SH3BP4: variants seen among roughly 807,000 people sequenced by gnomAD.
The protein encoded by SH3BP4 is SH3 domain-binding protein 4.
A neutral mutation model predicts 65.5 loss-of-function variants in SH3BP4; 33 were observed. That is an observed-to-expected ratio of 0.50 (90% CI 0.38 to 0.67). The LOEUF (loss-of-function observed/expected upper bound fraction) is 0.67, where lower values mean the gene tolerates loss of function less well. SH3BP4 is among the 30% of genes least tolerant of loss of function. The pLI, the probability that SH3BP4 is intolerant of heterozygous loss-of-function variation, is 0.00. For missense variants in SH3BP4, 1,134 were observed against 1,261.4 expected, an observed-to-expected ratio of 0.90 and a Z score of 1.53; for synonymous variants, 552 against 545.5, an observed-to-expected ratio of 1.01 and a Z score of -0.17.
intron 1 of SH3BP4, among the ~76,000 whole-genome samples, chr2:234,956,596 C>T (rs1201327338): frequency 2.6e-5 from 4 of 151,152 alleles, no homozygotes; most frequent in Non-Finnish European, 5.9e-5. Flanking sequence ...CTCTGTTGCC[C>T]AGGCTGGAGT....
At chr2:235,029,692 C>T (rs1574833689) in intron 2 of SH3BP4, among the ~76,000 whole-genome samples, 2 of 152,212 alleles carry the variant, frequency 1.3e-5, no homozygotes, top group East Asian at 1.9e-4. Flanking sequence ...AATGAACCTT[C>T]GGGAGCTCAT....
intron 1 of SH3BP4, among the ~76,000 whole-genome samples, chr2:234,984,326 T>C (rs111676592): frequency 0.17 from 26,407 of 151,966 alleles, 2,596 homozygotes; most frequent in Non-Finnish European, 0.22. Context: ...CCCAGCCTCC[T>C]GAGTAGCTGG....
intron 2 of SH3BP4, among the ~76,000 whole-genome samples, chr2:235,013,267 T>C (rs1694575974): frequency 6.6e-6 from 1 of 152,174 alleles, no homozygotes; most frequent in African/African-American, 2.4e-5. Flanking sequence ...CTGCCAGCCC[T>C]TCCTCCCTTC....
Position 234,958,620 on chromosome 2 carries a change from C to T in SH3BP4, c.-207+6450C>T, listed in dbSNP as rs117186501. ...AAGGGGCAGGAAGGCTAAGGGGGAG[C>T]CAGTGGAGGAGCAGCTGGGATGGGA... On this transcript the variant is annotated intron_variant, in intron 1 of 5. Coordinates refer to ENST00000392011, the MANE Select transcript of SH3BP4 (RefSeq NM_014521.3). Among the ~76,000 whole-genome samples the T allele has an allele frequency of 5.3e-5, 8 of 151,806 alleles. No homozygotes were observed. The East Asian group carries it at 1.6e-3, about 30-fold the overall frequency.
At chr2:235,050,443 C>T (rs1559261577) in intron 4 of SH3BP4, among the ~76,000 whole-genome samples, 1 of 152,034 alleles carries the variant, frequency 6.6e-6, no homozygotes, top group Non-Finnish European at 1.5e-5. Context: ...GTAGCTTCTA[C>T]AAAAACAAAC....
In SH3BP4 at chr2:235,053,626, C is replaced by T. The variant is rs1696132727; in HGVS notation, c.2702C>T (p.Thr901Ile). ...AAGCCTGCGTATGACTTCTTACTCA[C>T]CTGGAGCCATCAGATCGGGGACAGC... ...MWKPAYDFLL[T>I]WSHQIGDSYR... The change falls in exon 6 of 6, where the codon ACC (threonine) becomes ATC (isoleucine). Residue 901 changes from threonine (T) to isoleucine (I), a missense_variant. Thr to Ile is a moderately conservative substitution (Grantham distance 89, BLOSUM62 -1). Transcript: ENST00000392011. 3.1e-6 allele frequency: 5 copies of T among 1,614,052 alleles called. No individual in the cohort carries two copies. The highest frequency in any genetic ancestry group is 3.4e-6 in the Non-Finnish European group (4 of 1,180,032).
At chr2:235,024,720 C>A (rs562941212) in intron 2 of SH3BP4, among the ~76,000 whole-genome samples, 1 of 152,180 alleles carries the variant, frequency 6.6e-6, no homozygotes, top group African/African-American at 2.4e-5. Flanking sequence ...TTAAAACATT[C>A]CTTTGAGTTA....
At position 235,042,205 on chromosome 2, in the gene SH3BP4, A is replaced by T; in HGVS notation, c.1436A>T (p.Tyr479Phe). The T allele has an allele frequency of 6.2e-7, 1 of 1,614,018 alleles. No homozygotes were observed. Among genetic ancestry groups the T allele is most frequent in the Non-Finnish European group, 8.5e-7 (1 of 1,180,016 alleles). ...FINKKVTVGL[Y>F]GPKHIHPSFK... ...AATAAAAAAGTCACAGTGGGTCTCT[A>T]CGGCCCTAAACACATCCACCCATCC... The change falls in exon 4 of 6, where the codon TAC becomes TTC. Residue 479 changes from tyrosine to phenylalanine, a missense_variant. Coordinates refer to ENST00000392011, the MANE Select transcript of SH3BP4 (RefSeq NM_014521.3). This position sits in a 1 kb window ranked among gnomAD's most constrained non-coding sequence, Gnocchi z 7.3.
At position 235,042,964 on chromosome 2, in the gene SH3BP4, G is replaced by A. The variant is rs1695723473; in HGVS notation, c.2195G>A (p.Gly732Asp). 3 of 1,612,942 alleles carry A rather than the reference G, an allele frequency of 1.9e-6. No homozygotes were observed. The highest frequency in any genetic ancestry group is 1.1e-5 in the South Asian group (1 of 91,046). The change falls in exon 4 of 6, where the codon GGC becomes GAC. Residue 732 changes from glycine (G) to aspartate (D), a missense_variant. Transcript: ENST00000392011. The surrounding 1 kb of genome is among the most constrained non-coding windows in gnomAD (Gnocchi z 7.3). ...VGRARPSLCS[G>D]PELSTSVLLE... ...AGGGCCCGGCCCAGCCTGTGCTCGG[G>A]CCCCGAGCTGAGCACCTCGGTGCTG...
rs1018104126 is a variant in SH3BP4 at position 234,974,132 on chromosome 2, G to A, written c.-206-21171G>A. Among the ~76,000 whole-genome samples the A allele has an allele frequency of 1.3e-5, 2 of 152,022 alleles. No individual in the cohort carries two copies. The highest frequency in any genetic ancestry group is 2.1e-4 in the South Asian group (1 of 4,820). On this transcript the variant is annotated intron_variant, in intron 1 of 5. Transcript: ENST00000392011. The surrounding 1 kb of genome is among the most constrained non-coding windows in gnomAD (Gnocchi z 4.6). ...TGTAATCCCAGCACTTTGGGAGGCC[G>A]AGGCAGGTGGATCACCTGAGGTCAG...
chr2:234,990,525 G>A (rs1475409217), intron 1 of SH3BP4, among the ~76,000 whole-genome samples: 2 of 152,220 alleles, frequency 1.3e-5, no homozygotes, highest in Non-Finnish European at 2.9e-5. Flanking sequence ...GTGTGTTCCT[G>A]CATATTCCCT....
intron 2 of SH3BP4, among the ~76,000 whole-genome samples, chr2:235,014,171 G>A (rs981071178): frequency 6.6e-6 from 1 of 152,158 alleles, no homozygotes; most frequent in Non-Finnish European, 1.5e-5. Flanking sequence ...GGATATAGAG[G>A]TGTAATTACC....
In SH3BP4 at chr2:235,054,040, G is replaced by T. The variant is rs928819848; in HGVS notation, c.*224G>T. 1 of 489,408 alleles carries T rather than the reference G, an allele frequency of 2.0e-6. No individual in the cohort carries two copies. The highest frequency in any genetic ancestry group is 3.6e-6 in the Non-Finnish European group (1 of 275,954). The allele number at this position is 489,408 out of a possible 1,614,324, so 30.3% of individuals were successfully genotyped here. A position where few individuals can be genotyped will look rare whatever the true frequency, so the allele number is the denominator to read the frequency against. On this transcript the variant is annotated 3_prime_UTR_variant, in exon 6 of 6. Coordinates refer to ENST00000392011, the MANE Select transcript of SH3BP4 (RefSeq NM_014521.3). Reference sequence around the variant, plus strand: ...TTGCCAATCACATAGCTTTCTATTTGTTAAGTATAAATTTAAATTTAAAAT... The same window carrying T: ...TTGCCAATCACATAGCTTTCTATTTTTTAAGTATAAATTTAAATTTAAAAT...
chr2:235,026,528 G>A lies in SH3BP4; in HGVS notation c.-132-8343G>A, dbSNP rs977480589. Among the ~76,000 whole-genome samples, 20 of 152,058 alleles carry A rather than the reference G, an allele frequency of 1.3e-4. No homozygotes were observed. The highest frequency in any genetic ancestry group is 4.8e-4 in the African/African-American group (20 of 41,384). On this transcript the variant is annotated intron_variant, in intron 2 of 5. Transcript: ENST00000392011. This position sits in a 1 kb window ranked among gnomAD's most constrained non-coding sequence, Gnocchi z 4.6. ...TCTTTTGTTGATTTGTCTCCAATAC[G>A]GGTTCCCTCAAAACCAACTCTCTTC...
chr2:235,012,747 G>A (rs1190473106), intron 2 of SH3BP4, among the ~76,000 whole-genome samples: 2 of 152,202 alleles, frequency 1.3e-5, no homozygotes, highest in African/African-American at 2.4e-5. Context: ...AGTGCATTAC[G>A]CACTTCTAAC....
intron 4 of SH3BP4, among the ~76,000 whole-genome samples, chr2:235,050,217 G>A (rs865960471): frequency 9.2e-5 from 14 of 152,040 alleles, no homozygotes; most frequent in East Asian, 3.9e-4. Context: ...CCGGGTTCAC[G>A]CCATTCTCCT....
At position 235,052,843 on chromosome 2, in the gene SH3BP4, G is replaced by A. The variant is rs370981225; in HGVS notation, c.2667+93G>A. On this transcript the variant is annotated intron_variant, in intron 5 of 5. Coordinates refer to ENST00000392011, the MANE Select transcript of SH3BP4 (RefSeq NM_014521.3). The surrounding 1 kb of genome is among the most constrained non-coding windows in gnomAD (Gnocchi z 5.0). Reference sequence around the variant, plus strand: ...GCAGCCATAAAAAGTCTTGCCTCGCGGCATTTCTGTGAGGGTGCAACAGGT... The same window carrying A: ...GCAGCCATAAAAAGTCTTGCCTCGCAGCATTTCTGTGAGGGTGCAACAGGT... 27 of 1,255,742 alleles carry A rather than the reference G, an allele frequency of 2.2e-5. No homozygotes were observed. Among genetic ancestry groups the A allele is most frequent in the African/African-American group, 1.3e-4 (9 of 66,764 alleles). The allele number at this position is 1,255,742 out of a possible 1,614,324, so 77.8% of individuals were successfully genotyped here.
intron 1 of SH3BP4, among the ~76,000 whole-genome samples, chr2:234,973,895 A>G (rs922510427): frequency 6.6e-6 from 1 of 151,964 alleles, no homozygotes; most frequent in Non-Finnish European, 1.5e-5. Flanking sequence ...TCAGCTTCCC[A>G]AAGTGCTGGG....
At chr2:235,047,217 G>A (rs1159356682) in intron 4 of SH3BP4, among the ~76,000 whole-genome samples, 2 of 152,232 alleles carry the variant, frequency 1.3e-5, no homozygotes, top group African/African-American at 2.4e-5. Context: ...TCAATAAGCC[G>A]TAGGGGGAGT....
Sources: gnomAD v4.1 joint callset for allele counts (sites outside exome capture counted in the v4.1 genomes callset) on GRCh38, gnomAD v4.1.1 for gene constraint, Gnocchi (gnomAD v3.1) non-coding constraint, MANE v1.5 for transcripts, NCBI Gene and HGNC (gene_info 2026-07-23, HGNC 2026-07-21) for gene names.